Variants in SREK1IP1 observed in about 807,000 individuals in gnomAD.
SREK1IP1 encodes SREK1 interacting protein 1, also known as protein SREK1IP1.
Under a neutral mutation model 22.8 loss-of-function variants are expected in SREK1IP1, and 12 were observed. That is an observed-to-expected ratio of 0.53 (90% confidence interval 0.34 to 0.85). The LOEUF is 0.85. Ranked by LOEUF, SREK1IP1 falls within the 40% of genes least tolerant of loss-of-function variation. The pLI is 0.02. For missense variants in SREK1IP1, 147 were observed against 171.8 expected, an observed-to-expected ratio of 0.86 and a Z score of 0.81; for synonymous variants, 53 against 52.7, an observed-to-expected ratio of 1.01 and a Z score of -0.02.
Position 64,741,050 on chromosome 5 carries a change from T to A in SREK1IP1, c.205+7A>T. 6.2e-7 allele frequency: 1 copy of A among 1,606,740 alleles called. No individual in the cohort carries two copies. Among genetic ancestry groups the A allele is most frequent in the Non-Finnish European group, 8.5e-7 (1 of 1,176,524 alleles). ...ATTTCTAAAGAATGGAAAAAAATAT[T>A]GCTTACTTTTTTCCTGTAATGCCTG... is the stretch of plus-strand genomic sequence containing the variant. On this transcript the variant is annotated splice_region_variant and intron_variant, in intron 3 of 4. Transcript: ENST00000513458.
chr5:64,740,199 C>T (rs1203582489), intron 3 of SREK1IP1, among the ~76,000 whole-genome samples: 1 of 151,852 alleles, frequency 6.6e-6, no homozygotes, highest in Middle Eastern at 3.2e-3. Flanking sequence ...GAGGATGTGT[C>T]CAGGAAAGAC....
chr5:64,736,238 T>C (rs1260547646), intron 3 of SREK1IP1, among the ~76,000 whole-genome samples: 1 of 152,146 alleles, frequency 6.6e-6, no homozygotes, highest in Non-Finnish European at 1.5e-5. Flanking sequence ...TTTGCTGTTG[T>C]TGGGTGAGGT....
Position 64,724,116 on chromosome 5 carries a change from G to A in SREK1IP1, c.*268C>T, listed in dbSNP as rs1450355773. 2 of 255,280 alleles carry A rather than the reference G, an allele frequency of 7.8e-6. No homozygotes were observed. The highest frequency in any genetic ancestry group is 2.2e-5 in the African/African-American group (1 of 45,056). 15.8% of individuals were successfully genotyped at this position (255,280 alleles called of 1,614,324 possible). A position where few individuals can be genotyped will look rare whatever the true frequency, so the allele number is the denominator to read the frequency against. The stretch of plus-strand genomic sequence containing the variant: ...TAGTAACACTAGCCAAACACACAGA[G>A]ACACAAATACCAAAAATGATGTGTT... On this transcript the variant is annotated 3_prime_UTR_variant, in exon 5 of 5. Coordinates refer to ENST00000513458, the MANE Select transcript of SREK1IP1 (RefSeq NM_173829.4).
Position 64,723,019 on chromosome 5 carries a change from A to G in SREK1IP1, c.*1365T>C, listed in dbSNP as rs1040267629. The G allele has an allele frequency of 3.3e-5, 5 of 152,182 alleles. No individual in the cohort carries two copies. The highest frequency in any genetic ancestry group is 7.3e-5 in the Non-Finnish European group (5 of 68,036). The allele number at this position is 152,182 out of a possible 1,614,324, so 9.4% of individuals were successfully genotyped here. On this transcript the variant is annotated 3_prime_UTR_variant, in exon 5 of 5. Transcript: ENST00000513458. ...ATTTGAAAATTTCTAAGCGCACCAT[A>G]GTGAGGTATTTGCAATCTTTGGTGC...
Position 64,732,713 on chromosome 5 carries a change from C to A in SREK1IP1, c.206-4534G>T, listed in dbSNP as rs6868128. On this transcript the variant is annotated intron_variant, in intron 3 of 4. Transcript: ENST00000513458. ...TATAGTCATAAGTTTAAAATTTTTA[C>A]GGAAATGAAAAGGAACTAAAATAGC... Among the ~76,000 whole-genome samples, 922 of 151,800 alleles carry A rather than the reference C, an allele frequency of 6.1e-3. 5 individuals carry two copies. The highest frequency in any genetic ancestry group is 8.2e-3 in the Non-Finnish European group (556 of 67,894).
chr5:64,750,506 C>T (rs1742723172), intron 2 of SREK1IP1, among the ~76,000 whole-genome samples: 1 of 152,136 alleles, frequency 6.6e-6, no homozygotes, highest in Non-Finnish European at 1.5e-5. Flanking sequence ...AGTAGTCAGG[C>T]AATGCTTGAG....
intron 3 of SREK1IP1, among the ~76,000 whole-genome samples, chr5:64,728,911 A>G (rs1012591326): frequency 2.6e-5 from 4 of 152,188 alleles, no homozygotes; most frequent in Non-Finnish European, 5.9e-5. Flanking sequence ...AAGAAAAAGC[A>G]GGCTGGGCGC....
At chr5:64,759,281 G>A (rs1157133572) in intron 1 of SREK1IP1, among the ~76,000 whole-genome samples, 1 of 152,140 alleles carries the variant, frequency 6.6e-6, no homozygotes, top group Non-Finnish European at 1.5e-5. Flanking sequence ...TAAGAACCCT[G>A]GCTGATATAA....
In SREK1IP1 at chr5:64,755,517, A is replaced by G. The variant is rs1323179343; in HGVS notation, c.14-1155T>C. On this transcript the variant is annotated intron_variant, in intron 1 of 4. Transcript: ENST00000513458. ...GTGGGAGCTGAAACATTGGGTACTC[A>G]TGGACATAAAGATGACAATAACAGA... Among the ~76,000 whole-genome samples the G allele has an allele frequency of 3.3e-5, 5 of 152,134 alleles. No individual in the cohort carries two copies. In the East Asian group the frequency reaches 9.6e-4, roughly 29 times the overall value.
At chr5:64,758,345 T>A (rs1001674187) in intron 1 of SREK1IP1, among the ~76,000 whole-genome samples, 1 of 152,194 alleles carries the variant, frequency 6.6e-6, no homozygotes, top group African/African-American at 2.4e-5. Context: ...ATTTTTGTAT[T>A]TTTAGTAGAG....
intron 3 of SREK1IP1, among the ~76,000 whole-genome samples, chr5:64,739,160 T>C (rs190633041): frequency 2.6e-4 from 39 of 152,298 alleles, no homozygotes; most frequent in Non-Finnish European, 4.7e-4. Context: ...GTAAAACTAA[T>C]GTCCTTCAGT....
At chr5:64,742,456 G>T (rs1742567289) in intron 2 of SREK1IP1, among the ~76,000 whole-genome samples, 2 of 152,116 alleles carry the variant, frequency 1.3e-5, no homozygotes, top group African/African-American at 4.8e-5. Flanking sequence ...TTAATTGAAA[G>T]ATTTCTATAT....
intron 4 of SREK1IP1, among the ~76,000 whole-genome samples, chr5:64,726,725 GA>G (rs1742274016): frequency 6.6e-6 from 1 of 152,162 alleles, no homozygotes; most frequent in African/African-American, 2.4e-5. Flanking sequence ...AATATGCTCA[GA>G]ACACTTACAT....
intron 3 of SREK1IP1, among the ~76,000 whole-genome samples, chr5:64,728,741 T>G (rs1163645531): frequency 6.6e-6 from 1 of 152,194 alleles, no homozygotes; most frequent in Non-Finnish European, 1.5e-5. Context: ...ACATAGCAGA[T>G]ATTTATCTTT....
chr5:64,734,650 T>C (rs1742429162), intron 3 of SREK1IP1, among the ~76,000 whole-genome samples: 1 of 151,974 alleles, frequency 6.6e-6, no homozygotes, highest in Non-Finnish European at 1.5e-5. Context: ...CAGATTTATA[T>C]TCTTAGTATT....
chr5:64,749,501 A>G (rs542484514), intron 2 of SREK1IP1, among the ~76,000 whole-genome samples: 12 of 152,072 alleles, frequency 7.9e-5, no homozygotes, highest in Middle Eastern at 3.4e-3. Flanking sequence ...CAGTGGCACA[A>G]TCTTAGCTCA....
At chr5:64,730,285 G>A (rs1339904114) in intron 3 of SREK1IP1, among the ~76,000 whole-genome samples, 1 of 152,184 alleles carries the variant, frequency 6.6e-6, no homozygotes, top group Non-Finnish European at 1.5e-5. Context: ...TAAAGACCTT[G>A]ACAAGTGGAC....
rs2112078106 is a variant in SREK1IP1, at chr5:64,718,372, T to G, written c.*6012A>C. On this transcript the variant is annotated 3_prime_UTR_variant, in exon 5 of 5. Transcript: ENST00000513458. The stretch of plus-strand genomic sequence containing the variant: ...CCAGCATTTCTCAACTTTCTGATAC[T>G]TACAGGCAGTTATTCTTATGAGATG... The G allele has an allele frequency of 5.8e-6, 1 of 173,268 alleles. No homozygotes were observed. Among genetic ancestry groups the G allele is most frequent in the Admixed American group, 6.3e-5 (1 of 15,926 alleles). 10.7% of individuals were successfully genotyped at this position (173,268 alleles called of 1,614,324 possible).
At chr5:64,730,346 T>C (rs920819947) in intron 3 of SREK1IP1, among the ~76,000 whole-genome samples, 1 of 152,106 alleles carries the variant, frequency 6.6e-6, no homozygotes, top group Non-Finnish European at 1.5e-5. Flanking sequence ...TAAATAACTT[T>C]GATGAGAAGT....
Sources: gnomAD v4.1 joint callset for allele counts (sites outside exome capture counted in the v4.1 genomes callset) on GRCh38, gnomAD v4.1.1 for gene constraint, MANE v1.5 for transcripts, NCBI Gene and HGNC (gene_info 2026-07-23, HGNC 2026-07-21) for gene names.